The following AGBL1 variants were observed in gnomAD, a reference collection of about 807,000 sequenced individuals.
The protein encoded by AGBL1 is AGBL carboxypeptidase 1.
AGBL1 carries 130 observed loss-of-function variants against 118.9 expected under a neutral mutation model. The observed-to-expected ratio is 1.09, with a 90% confidence interval of 0.95 to 1.26. The LOEUF (loss-of-function observed/expected upper bound fraction) is 1.26, where lower values mean the gene tolerates loss of function less well. Among genes scored for constraint, AGBL1 ranks in the 50% most tolerant of loss-of-function variants. The probability of loss-of-function intolerance (pLI) is 0.00; values close to 1 mark genes in which losing one functional copy is unlikely to be tolerated. For synonymous variants in AGBL1, 555 were observed against 478.9 expected (o/e 1.16, Z -2.08); for missense variants, 1,584 against 1,298.1 (o/e 1.22, Z -3.38).
intron 20 of AGBL1, among the ~76,000 whole-genome samples, chr15:86,547,359 C>T (rs548136811): frequency 6.6e-6 from 1 of 152,148 alleles, no homozygotes; most frequent in Non-Finnish European, 1.5e-5. Flanking sequence ...ATGTTTTTTA[C>T]TTCTCTTTTT....
At chr15:86,217,004 T>A (rs535018823) in intron 5 of AGBL1, among the ~76,000 whole-genome samples, 18 of 152,200 alleles carry the variant, frequency 1.2e-4, no homozygotes, top group Non-Finnish European at 2.6e-4. Flanking sequence ...CCTCTCCATA[T>A]TTTTATTTAT....
intron 22 of AGBL1, among the ~76,000 whole-genome samples, chr15:86,788,320 C>T (rs1289748636): frequency 6.6e-6 from 1 of 152,176 alleles, no homozygotes; most frequent in African/African-American, 2.4e-5. Context: ...TAAACACATA[C>T]TATATGCCAG....
intron 17 of AGBL1, among the ~76,000 whole-genome samples, chr15:86,322,626 A>G (rs1426906483): frequency 6.6e-6 from 1 of 152,094 alleles, no homozygotes; most frequent in Admixed American, 6.5e-5. Flanking sequence ...TAAGGTGACT[A>G]TTTATTTGGA....
rs147026163 is a variant in AGBL1, at chr15:86,547,080, C to T, written c.2817+947C>T. Reference sequence around the variant, plus strand: ...ACTCAGTCCATCAAAAATAGACTGCCGCTGATCAATACAACCACCCCAAGG... The same window carrying T: ...ACTCAGTCCATCAAAAATAGACTGCTGCTGATCAATACAACCACCCCAAGG... On this transcript the variant is annotated intron_variant, in intron 20 of 22. Coordinates refer to ENST00000614907, the MANE Select transcript of AGBL1 (RefSeq NM_001386094.1). Among the ~76,000 whole-genome samples the T allele has an allele frequency of 1.8e-3, 269 of 152,206 alleles. 1 individual carries two copies. Among genetic ancestry groups the T allele is most frequent in the African/African-American group, 6.1e-3 (252 of 41,536 alleles).
chr15:86,111,075 C>A (rs1897352768), intron 1 of AGBL1, among the ~76,000 whole-genome samples: 1 of 152,220 alleles, frequency 6.6e-6, no homozygotes, highest in Non-Finnish European at 1.5e-5. Flanking sequence ...CTTTTGAAAG[C>A]CATCAGGGCA....
chr15:86,700,468 TACACACACACACACACAC>T (rs67457435), intron 22 of AGBL1, among the ~76,000 whole-genome samples: 2 of 114,654 alleles, frequency 1.7e-5, no homozygotes, highest in Non-Finnish European at 3.4e-5. Context: ...AGCAGACTAA[TACACACACACACACACAC>T]ACACACACAC....
chr15:86,438,157 C>T (rs916971771), intron 18 of AGBL1, among the ~76,000 whole-genome samples: 17 of 152,064 alleles, frequency 1.1e-4, no homozygotes, highest in African/African-American at 1.9e-4. Context: ...CCATCCATCT[C>T]GGCCTCCCAA....
At chr15:86,338,398 G>A (rs2080407501) in intron 17 of AGBL1, among the ~76,000 whole-genome samples, 1 of 152,182 alleles carries the variant, frequency 6.6e-6, no homozygotes. Flanking sequence ...ACTGGTAGCA[G>A]TTGTAGGGAT....
At chr15:86,102,224 A>G (rs1285170506) in intron 1 of AGBL1, among the ~76,000 whole-genome samples, 1 of 151,872 alleles carries the variant, frequency 6.6e-6, no homozygotes, top group Non-Finnish European at 1.5e-5. Context: ...CATTTTTAGT[A>G]GCGATGGGGT....
intron 22 of AGBL1, among the ~76,000 whole-genome samples, chr15:86,762,450 A>G (rs1468950677): frequency 6.6e-6 from 1 of 152,066 alleles, no homozygotes; most frequent in Non-Finnish European, 1.5e-5. Flanking sequence ...AATAGTAAAG[A>G]GTCATGTTAA....
At chr15:86,508,756 A>G (rs944456349) in intron 18 of AGBL1, among the ~76,000 whole-genome samples, 3 of 152,202 alleles carry the variant, frequency 2.0e-5, no homozygotes, top group African/African-American at 7.2e-5. Flanking sequence ...TTCAATAAAC[A>G]TACAAGATGC....
At chr15:87,008,732 G>T (rs918049733) in intron 24 of AGBL1, among the ~76,000 whole-genome samples, 13 of 152,216 alleles carry the variant, frequency 8.5e-5, no homozygotes, top group African/African-American at 2.4e-4. Flanking sequence ...CCAGGCTGAA[G>T]TGATCTCAGA....
At position 86,438,674 on chromosome 15, in the gene AGBL1, T is replaced by G. The variant is rs1241365591; in HGVS notation, c.2555+41128T>G. ...ATCTGTCTCTTTTTTTTTTTTTTTT[T>G]TTCTTGAGGTGGAGTCTCGCTCTGT... On this transcript the variant is annotated intron_variant, in intron 18 of 22. Transcript: ENST00000614907. 3.3e-5 allele frequency among the ~76,000 whole-genome samples: 4 copies of G among 119,606 alleles called. No individual in the cohort carries two copies. In the East Asian group the frequency reaches 1.3e-3, roughly 39 times the overall value. The allele number at this position is 119,606 out of a possible 152,430, so 78.5% of individuals were successfully genotyped here.
intron 18 of AGBL1, among the ~76,000 whole-genome samples, chr15:86,405,873 C>T (rs115874331): frequency 0.011 from 1,642 of 151,964 alleles, 35 homozygotes; most frequent in African/African-American, 0.038. Flanking sequence ...GCAGCTACCA[C>T]CTGTAATAAT....
intron 22 of AGBL1, among the ~76,000 whole-genome samples, chr15:86,840,347 T>C (rs1233192502): frequency 6.6e-6 from 1 of 152,220 alleles, no homozygotes; most frequent in African/African-American, 2.4e-5. Flanking sequence ...GTATTCTTAT[T>C]GCTCCAAGAT....
At chr15:86,370,398 G>A (rs971576197) in intron 17 of AGBL1, among the ~76,000 whole-genome samples, 11 of 148,002 alleles carry the variant, frequency 7.4e-5, no homozygotes, top group Admixed American at 1.4e-4. Context: ...TCCACCTCCC[G>A]GGTTCAAGTG....
chr15:86,486,392 C>T (rs8030455), intron 18 of AGBL1, among the ~76,000 whole-genome samples: 69,619 of 151,926 alleles, frequency 0.46, 16,557 homozygotes, highest in Middle Eastern at 0.56. Flanking sequence ...GTGCCAATCC[C>T]TACTTAGGCA....
intron 17 of AGBL1, among the ~76,000 whole-genome samples, chr15:86,374,941 A>G (rs2081020491): frequency 6.6e-6 from 1 of 152,242 alleles, no homozygotes; most frequent in Non-Finnish European, 1.5e-5. Flanking sequence ...GGGTCAAAAC[A>G]ACCACAGTGC....
chr15:86,134,612 T>C lies in AGBL1; in HGVS notation c.52-7392T>C, dbSNP rs1012320092. ...TGATGGATCAATGGTGCCTTTTTTT[T>C]TTTTTTTTTTTTTTTTTTTGAGATG... On this transcript the variant is annotated intron_variant, in intron 1 of 22. Coordinates refer to ENST00000614907, the MANE Select transcript of AGBL1 (RefSeq NM_001386094.1). Among the ~76,000 whole-genome samples the C allele has an allele frequency of 8.2e-4, 96 of 117,738 alleles. 3 individuals carry two copies. Among genetic ancestry groups the C allele is most frequent in the Middle Eastern group, 4.0e-3 (1 of 248 alleles). 77.2% of individuals were successfully genotyped at this position (117,738 alleles called of 152,430 possible).
Sources: allele counts gnomAD v4.1 joint callset (sites outside exome capture counted in the v4.1 genomes callset), GRCh38; gene constraint gnomAD v4.1.1; transcripts MANE v1.5; gene names NCBI Gene and HGNC (gene_info 2026-07-23, HGNC 2026-07-21).